The following STAU2 variants were observed in gnomAD, a reference collection of about 807,000 sequenced individuals.
The protein encoded by STAU2 is staufen double-stranded RNA binding protein 2.
Under a neutral mutation model 65.9 loss-of-function variants are expected in STAU2, and 20 were observed. The ratio of observed to expected loss-of-function variants is 0.30; its 90% confidence interval spans 0.21 to 0.44. The LOEUF (loss-of-function observed/expected upper bound fraction) is 0.44. Among genes scored for constraint, STAU2 ranks in the 20% least tolerant of loss-of-function variants. STAU2 has a pLI of 1.00. For synonymous variants in STAU2, 232 were observed against 233.9 expected (o/e 0.99, Z 0.07); for missense variants, 558 against 683.9 (o/e 0.82, Z 2.05).
intron 13 of STAU2, among the ~76,000 whole-genome samples, chr8:73,425,580 T>C (rs1268035212): frequency 6.6e-6 from 1 of 152,200 alleles, no homozygotes; most frequent in East Asian, 1.9e-4. Context: ...TCCAGCAAAC[T>C]GTACAGGGAC....
intron 13 of STAU2, chr8:73,439,358 T>C (rs1250372089): frequency 7.4e-6 from 2 of 268,796 alleles, no homozygotes; most frequent in Non-Finnish European, 1.4e-5. Context: ...GGCTCATGCC[T>C]GTAATCCCAG....
At chr8:73,478,271 T>C (rs1347660534) in intron 13 of STAU2, among the ~76,000 whole-genome samples, 2 of 55,432 alleles carry the variant, frequency 3.6e-5, no homozygotes, top group African/African-American at 1.6e-4. Context: ...GGGCCACACA[T>C]AAAATACACT....
chr8:73,738,189 T>C, intron 3 of STAU2, 95 bp downstream of exon 3: 1 of 1,118,568 alleles, frequency 8.9e-7, no homozygotes, highest in Non-Finnish European at 1.4e-6. Flanking sequence ...ATGAGTCAGG[T>C]TACAGTTATA....
chr8:73,633,266 CAG>C (rs374913883), intron 6 of STAU2, among the ~76,000 whole-genome samples: 7 of 152,270 alleles, frequency 4.6e-5, no homozygotes, highest in African/African-American at 1.7e-4. Flanking sequence ...AACTGAAAAA[CAG>C]AGAAGATAAG....
At chr8:73,460,345 A>G (rs1286511168) in intron 13 of STAU2, among the ~76,000 whole-genome samples, 3 of 152,244 alleles carry the variant, frequency 2.0e-5, no homozygotes, top group Non-Finnish European at 2.9e-5. Context: ...ATTATTTGAC[A>G]GACAGCACAA....
chr8:73,682,257 C>G (rs1310309996), intron 5 of STAU2, among the ~76,000 whole-genome samples: 1 of 151,764 alleles, frequency 6.6e-6, no homozygotes, highest in African/African-American at 2.4e-5. Context: ...TTAAGAAAAT[C>G]AAAATTATAT....
intron 4 of STAU2, among the ~76,000 whole-genome samples, chr8:73,694,466 T>A (rs1480721221): frequency 3.9e-5 from 6 of 152,272 alleles, no homozygotes. Context: ...TACAAAGAAT[T>A]CAGACCACAC....
At position 73,421,271 on chromosome 8, in the gene STAU2, C is replaced by G; in HGVS notation, c.*101G>C. On this transcript the variant is annotated 3_prime_UTR_variant, in exon 15 of 15. Coordinates refer to ENST00000524300, the MANE Select transcript of STAU2 (RefSeq NM_001164380.2). ...AATAGTGTTGTCTTCACATAAGACTCAAATAATGGTATTAGTCATTCATTT... is the reference window on the plus strand; with the variant it reads ...AATAGTGTTGTCTTCACATAAGACTGAAATAATGGTATTAGTCATTCATTT... 1 of 980,460 alleles carries G rather than the reference C, an allele frequency of 1.0e-6. No homozygotes were observed. The allele number at this position is 980,460 out of a possible 1,614,324, so 60.7% of individuals were successfully genotyped here. A position where few individuals can be genotyped will look rare whatever the true frequency, so the allele number is the denominator to read the frequency against.
chr8:73,664,029 T>TG (rs1287137528), intron 6 of STAU2, among the ~76,000 whole-genome samples: 1 of 152,166 alleles, frequency 6.6e-6, no homozygotes, highest in Non-Finnish European at 1.5e-5. Flanking sequence ...TTGTTGCACT[T>TG]GATAGAACTC....
intron 13 of STAU2, among the ~76,000 whole-genome samples, chr8:73,537,191 A>C (rs1488469971): frequency 6.6e-6 from 1 of 152,182 alleles, no homozygotes; most frequent in African/African-American, 2.4e-5. Flanking sequence ...AATCTGAAAA[A>C]CAGAGAAAAA....
intron 13 of STAU2, among the ~76,000 whole-genome samples, chr8:73,549,144 T>C (rs1405132266): frequency 3.3e-5 from 5 of 152,150 alleles, no homozygotes; most frequent in Admixed American, 2.0e-4. Flanking sequence ...AACACTATGG[T>C]AGGACTACAA....
intron 13 of STAU2, among the ~76,000 whole-genome samples, chr8:73,547,738 A>C (rs1807032867): frequency 6.6e-6 from 1 of 152,164 alleles, no homozygotes; most frequent in South Asian, 2.1e-4. Context: ...AGTCTAAGTA[A>C]TTTATTATGG....
At chr8:73,511,294 T>C (rs552815527) in intron 13 of STAU2, 2 of 153,176 alleles carry the variant, frequency 1.3e-5, no homozygotes, top group Admixed American at 1.3e-4. Flanking sequence ...TTCACCATCA[T>C]AGTCATTCTA....
At chr8:73,425,804 T>G (rs76115709) in intron 13 of STAU2, among the ~76,000 whole-genome samples, 2 of 152,128 alleles carry the variant, frequency 1.3e-5, no homozygotes, top group South Asian at 2.1e-4. Context: ...TTTCTCTCTT[T>G]TTTTTTGAGA....
chr8:73,446,416 A>G (rs186715896), intron 13 of STAU2, among the ~76,000 whole-genome samples: 5 of 152,292 alleles, frequency 3.3e-5, no homozygotes, highest in African/African-American at 1.2e-4. Flanking sequence ...CAGAGCTGCA[A>G]CATAAGGTGT....
chr8:73,646,382 G>A (rs1377084868), intron 6 of STAU2, among the ~76,000 whole-genome samples: 1 of 152,176 alleles, frequency 6.6e-6, no homozygotes, highest in Admixed American at 6.5e-5. Flanking sequence ...CAGAGACACA[G>A]AGTTCAACAG....
In STAU2 at chr8:73,552,127, C is replaced by G; in HGVS notation, c.1415G>C (p.Gly472Ala). The change falls in exon 13 of 15, where the codon GGA (glycine) becomes GCA (alanine). Residue 472 changes from glycine (G) to alanine (A), a missense_variant. Physicochemically the swap from Gly to Ala is moderately conservative, Grantham distance 60. Around this residue, in one of 3 missense-constraint regions of STAU2, gnomAD observed 247 missense variants for 270.1 expected, o/e 0.91. Transcript: ENST00000524300. ...ATIARELLMN[G>A]TSSTAEAIGL... ...TATGGCTTCAGCTGTAGAAGATGTT[C>G]CATTCATAAGGAGTTCCCTGGCAAT... The G allele has an allele frequency of 6.2e-7, 1 of 1,613,852 alleles. No homozygotes were observed. Among genetic ancestry groups the G allele is most frequent in the Non-Finnish European group, 8.5e-7 (1 of 1,179,824 alleles).
intron 13 of STAU2, among the ~76,000 whole-genome samples, chr8:73,462,765 A>G (rs1237413869): frequency 3.9e-5 from 6 of 152,098 alleles, no homozygotes; most frequent in Non-Finnish European, 8.8e-5. Flanking sequence ...TATGCACTTC[A>G]AGCCTTGCCT....
intron 13 of STAU2, among the ~76,000 whole-genome samples, chr8:73,448,615 A>T (rs1818611656): frequency 6.6e-6 from 1 of 152,308 alleles, no homozygotes; most frequent in Non-Finnish European, 1.5e-5. Context: ...ACTGAGCGAC[A>T]CTGATGTGTT....
Sources: allele counts gnomAD v4.1 joint callset (sites outside exome capture counted in the v4.1 genomes callset), GRCh38; gene constraint gnomAD v4.1.1; regional missense constraint gnomAD v4.1.1; transcripts MANE v1.5; gene names NCBI Gene and HGNC (gene_info 2026-07-23, HGNC 2026-07-21).